Variants in VPS13D observed in about 807,000 individuals in gnomAD.
The protein encoded by VPS13D is vacuolar protein sorting 13 homolog D, also known as intermembrane lipid transfer protein VPS13D.
In VPS13D, 187 loss-of-function variants were observed where a neutral mutation model predicts 461.9. The observed-to-expected ratio is 0.40, with a 90% CI of 0.36 to 0.46. VPS13D has a LOEUF of 0.46. VPS13D is among the 20% of genes least tolerant of loss of function. The pLI, the probability that VPS13D is intolerant of heterozygous loss-of-function variation, is 0.60. For synonymous variants in VPS13D, 1,951 were observed against 1,986.3 expected (o/e 0.98, Z 0.47); for missense variants, 4,711 against 5,364.9 (o/e 0.88, Z 3.81).
chr1:12,426,349 T>C (rs1644924724), intron 65 of VPS13D, among the ~76,000 whole-genome samples: 1 of 152,248 alleles, frequency 6.6e-6, no homozygotes, highest in Non-Finnish European at 1.5e-5. Context: ...TGTCTGCCTC[T>C]AAATGCTATG....
At chr1:12,500,222 T>A in intron 68 of VPS13D, 1 of 984,392 alleles carries the variant, frequency 1.0e-6, no homozygotes, top group Non-Finnish European at 1.2e-6. Flanking sequence ...TACCAACGTA[T>A]GATTTCTGGT....
Position 12,323,762 on chromosome 1 carries a change from G to A in VPS13D, c.7972G>A (p.Ala2658Thr). The change falls in exon 35 of 70, where the codon GCT becomes ACT. Residue 2658 changes from alanine (A) to threonine (T), a missense_variant. Physicochemically the swap from Ala to Thr is moderately conservative, Grantham distance 58. Transcript: ENST00000620676. ...LGFSMDDCRK[A>T]LLACQGQLKK... ...ATTCAGCATGGATGATTGTCGCAAA[G>A]CTCTTTTGGCGTGTCAAGGTAATTT... The A allele has an allele frequency of 6.2e-7, 1 of 1,614,070 alleles. No homozygotes were observed. The highest frequency in any genetic ancestry group is 1.1e-5 in the South Asian group (1 of 91,080).
At position 12,508,989 on chromosome 1, in the gene VPS13D, A is replaced by G. The variant is rs768061180; in HGVS notation, c.13132A>G (p.Ser4378Gly). The change falls in exon 70 of 70, where the codon AGC (serine) becomes GGC (glycine). Residue 4378 changes from serine (S) to glycine (G), a missense_variant. Physicochemically the swap from Ser to Gly is moderately conservative, Grantham distance 56. Coordinates refer to ENST00000620676, the MANE Select transcript of VPS13D (RefSeq NM_015378.4). ...TGAACAGCAGCTTATGTTAAGACTCAGCGAAAACCGAGAGCAGCTGGAGCT... is the reference window on the plus strand; with the variant it reads ...TGAACAGCAGCTTATGTTAAGACTCGGCGAAAACCGAGAGCAGCTGGAGCT... ...YYEQQLMLRL[S>G]ENREQLELDS 4.3e-6 allele frequency: 7 copies of G among 1,614,170 alleles called. No homozygotes were observed. The East Asian group carries it at 1.3e-4, about 31-fold the overall frequency.
Position 12,340,709 on chromosome 1 carries a change from G to T in VPS13D, c.8627-1071G>T, listed in dbSNP as rs1643549479. Among the ~76,000 whole-genome samples the T allele has an allele frequency of 2.6e-5, 4 of 152,334 alleles. 1 individual carries two copies. The South Asian group carries it at 8.3e-4, about 32-fold the overall frequency. On this transcript the variant is annotated intron_variant, in intron 40 of 69. Transcript: ENST00000620676. ...CCAGCTGCAGAGCATGTGGGTCATG[G>T]TCTTTCTCACGCTGTCTTCCTACTT... is the stretch of plus-strand genomic sequence containing the variant.
chr1:12,369,274 G>A (rs556563239), intron 53 of VPS13D, among the ~76,000 whole-genome samples, 193 bp from the exon 54 acceptor site: 2 of 152,008 alleles, frequency 1.3e-5, no homozygotes, highest in African/African-American at 4.8e-5. Context: ...CTTTTAATTG[G>A]TGAGTTTTTT....
rs1338488957 is a variant in VPS13D at position 12,338,252 on chromosome 1, G to A, written c.8573G>A (p.Arg2858Lys). The change falls in exon 40 of 70, where the codon AGA becomes AAA. Residue 2858 changes from arginine (R) to lysine (K), a missense_variant. Coordinates refer to ENST00000620676, the MANE Select transcript of VPS13D (RefSeq NM_015378.4). Reference protein sequence around the residue: ...FGQSLPLVYLRTRSTASLTNL... With the variant: ...FGQSLPLVYLKTRSTASLTNL... ...CCAGGCCTCCCCCTTGTCTACCTTA[G>A]AACTAGGAGTACAGCCAGTCTGACT... The A allele has an allele frequency of 1.9e-6, 3 of 1,613,576 alleles. No homozygotes were observed. Among genetic ancestry groups the A allele is most frequent in the Non-Finnish European group, 2.5e-6 (3 of 1,179,716 alleles).
chr1:12,371,083 T>C (rs79298595), intron 54 of VPS13D, among the ~76,000 whole-genome samples: 2,878 of 152,336 alleles, frequency 0.019, 110 homozygotes, highest in Admixed American at 0.099. Flanking sequence ...AACATAAAAG[T>C]ATTTTAAAGT....
intron 25 of VPS13D, among the ~76,000 whole-genome samples, chr1:12,303,451 C>A (rs866539616): frequency 1.3e-5 from 2 of 152,058 alleles, no homozygotes; most frequent in Non-Finnish European, 2.9e-5. Context: ...AATGAAAGGG[C>A]AACAAACACT....
chr1:12,348,102 G>A (rs1363989371), intron 44 of VPS13D, among the ~76,000 whole-genome samples: 1 of 152,110 alleles, frequency 6.6e-6, no homozygotes, highest in African/African-American at 2.4e-5. Flanking sequence ...TATATTTTAT[G>A]ACATTTAGAA....
chr1:12,275,776 G>A, intron 18 of VPS13D, 49 bp from the exon 19 acceptor site: 1 of 1,508,832 alleles, frequency 6.6e-7, no homozygotes, highest in Non-Finnish European at 8.9e-7. Context: ...AAGGGAAAGA[G>A]GAGGGAAATA....
intron 65 of VPS13D, among the ~76,000 whole-genome samples, chr1:12,449,381 A>G (rs1645233034): frequency 6.7e-6 from 1 of 150,320 alleles, no homozygotes; most frequent in Admixed American, 6.6e-5. Flanking sequence ...CCAAACCTCA[A>G]CTTGTTCCGT....
rs2100457684 is a variant in VPS13D at position 12,473,680 on chromosome 1, A to G, written c.12662+13284A>G. 6.6e-6 allele frequency among the ~76,000 whole-genome samples: 1 copy of G among 152,270 alleles called. No individual in the cohort carries two copies. ...TGAATATTCTCCCCTGAATGTTGGA[A>G]TGTTGTGTGAAGGTGAAACAGGGAT... is the stretch of plus-strand genomic sequence containing the variant. On this transcript the variant is annotated intron_variant, in intron 67 of 69. Coordinates refer to ENST00000620676, the MANE Select transcript of VPS13D (RefSeq NM_015378.4). This position sits in a 1 kb window ranked among gnomAD's most constrained non-coding sequence, Gnocchi z 4.2.
At chr1:12,508,761 G>A in intron 69 of VPS13D, 132 bp from the exon 70 acceptor site, 1 of 966,560 alleles carries the variant, frequency 1.0e-6, no homozygotes, top group Non-Finnish European at 1.5e-6. Flanking sequence ...AGCAGCCCTG[G>A]CCATCACTGT....
chr1:12,306,286 C>T (rs996267611), intron 26 of VPS13D, among the ~76,000 whole-genome samples: 1 of 152,136 alleles, frequency 6.6e-6, no homozygotes, highest in African/African-American at 2.4e-5. Context: ...CTGACCTGCC[C>T]AAGGTTATGA....
intron 63 of VPS13D, among the ~76,000 whole-genome samples, chr1:12,410,205 C>T (rs1644705724): frequency 6.6e-6 from 1 of 152,056 alleles, no homozygotes; most frequent in African/African-American, 2.4e-5. Context: ...AGAAATCAAG[C>T]AAAAAGTGGC....
intron 68 of VPS13D, among the ~76,000 whole-genome samples, chr1:12,498,340 G>A (rs546617105): frequency 3.3e-4 from 51 of 152,264 alleles, no homozygotes; most frequent in Non-Finnish European, 6.9e-4. Context: ...TAAAGCGAGC[G>A]TGGGGGATTC....
Position 12,277,415 on chromosome 1 carries a change from A to G in VPS13D, c.3827A>G (p.Glu1276Gly). Reference protein sequence around the residue: ...LTEALSFTFVERSKQECFLNL... With the variant: ...LTEALSFTFVGRSKQECFLNL... ...GAAGCTTTGAGTTTCACGTTTGTTG[A>G]GAGATCTAAACAGGAGTGTTTTCTC... The change falls in exon 19 of 70, where the codon GAG becomes GGG. Residue 1276 changes from glutamate (E) to glycine (G), a missense_variant. Physicochemically the swap from Glu to Gly is moderately conservative, Grantham distance 98. This residue lies in a region of VPS13D where 4,411 missense variants were observed against 4,937.8 expected (regional missense o/e 0.89). Transcript: ENST00000620676. 1.2e-6 allele frequency: 2 copies of G among 1,614,164 alleles called. No individual in the cohort carries two copies. The highest frequency in any genetic ancestry group is 1.7e-6 in the Non-Finnish European group (2 of 1,180,026).
chr1:12,405,344 T>A (rs1644638256), intron 63 of VPS13D, among the ~76,000 whole-genome samples: 1 of 152,250 alleles, frequency 6.6e-6, no homozygotes, highest in African/African-American at 2.4e-5. Context: ...TTAAACCTTG[T>A]GGGCCTAACA....
chr1:12,266,798 T>G (rs1420670266), intron 13 of VPS13D, 83 bp from the exon 14 acceptor site: 3 of 1,222,360 alleles, frequency 2.5e-6, no homozygotes, highest in East Asian at 2.7e-5. Flanking sequence ...AATAATCTTC[T>G]GTAAAATAGA....
Sources: gnomAD v4.1 joint callset for allele counts (sites outside exome capture counted in the v4.1 genomes callset) on GRCh38, gnomAD v4.1.1 for gene constraint, gnomAD v4.1.1 regional missense constraint, Gnocchi (gnomAD v3.1) non-coding constraint, MANE v1.5 for transcripts, NCBI Gene and HGNC (gene_info 2026-07-23, HGNC 2026-07-21) for gene names.